Variants in BCL9 observed in about 807,000 individuals in gnomAD.
The protein encoded by BCL9 is B-cell CLL/lymphoma 9 protein.
Under a neutral mutation model 88.5 loss-of-function variants are expected in BCL9, and 25 were observed. The observed-to-expected ratio is 0.28, with a 90% confidence interval of 0.21 to 0.39. BCL9 has a LOEUF of 0.39. Ranked by LOEUF, BCL9 falls within the 10% of genes least tolerant of loss-of-function variation. The pLI is 1.00. For missense variants in BCL9, 1,817 were observed against 1,877.8 expected (o/e 0.97, Z 0.60); for synonymous variants, 711 against 673.3 (o/e 1.06, Z -0.87).
At chr1:147,603,677 A>AT (rs1657513897) in intron 1 of BCL9, among the ~76,000 whole-genome samples, 2 of 3,376 alleles carry the variant, frequency 5.9e-4, no homozygotes, top group Non-Finnish European at 1.1e-3. Context: ...AATTTTTGTA[A>AT]ATTTTTTTTT....
intron 1 of BCL9, among the ~76,000 whole-genome samples, chr1:147,568,566 G>A (rs781892474): frequency 6.6e-6 from 1 of 151,650 alleles, no homozygotes; most frequent in African/African-American, 2.4e-5. Context: ...TACACCTACC[G>A]AGGGGGATTT....
chr1:147,565,082 G>A (rs1553196538), intron 1 of BCL9, among the ~76,000 whole-genome samples: 1 of 152,080 alleles, frequency 6.6e-6, no homozygotes, highest in Non-Finnish European at 1.5e-5. Flanking sequence ...TGATTCTCTT[G>A]AATTCCATTT....
chr1:147,563,499 G>A (rs961738285), intron 1 of BCL9, among the ~76,000 whole-genome samples: 4 of 152,236 alleles, frequency 2.6e-5, no homozygotes, highest in Non-Finnish European at 5.9e-5. Context: ...GAGAGGGCTA[G>A]ATTTAACATC....
At chr1:147,552,304 T>C (rs1362458768) in intron 1 of BCL9, among the ~76,000 whole-genome samples, 7 of 152,174 alleles carry the variant, frequency 4.6e-5, no homozygotes, top group African/African-American at 1.7e-4. Context: ...AGTAGCATTG[T>C]AATGACTGAA....
intron 1 of BCL9, among the ~76,000 whole-genome samples, chr1:147,601,431 G>C: frequency 6.6e-6 from 1 of 152,218 alleles, no homozygotes. Context: ...GTTAGCACTT[G>C]ATATATTCAG....
intron 3 of BCL9, among the ~76,000 whole-genome samples, chr1:147,609,457 T>G (rs1195136678): frequency 6.6e-6 from 1 of 152,200 alleles, no homozygotes; most frequent in East Asian, 1.9e-4. Flanking sequence ...GAAGATGGCT[T>G]CAAGGAAAGA....
intron 1 of BCL9, among the ~76,000 whole-genome samples, chr1:147,552,576 A>T (rs1553194935): frequency 6.6e-6 from 1 of 152,256 alleles, no homozygotes; most frequent in Admixed American, 6.5e-5. Flanking sequence ...ATTGCACTCC[A>T]GCCTGGGCAA....
At chr1:147,600,662 G>A (rs1476501278) in intron 1 of BCL9, among the ~76,000 whole-genome samples, 1 of 152,064 alleles carries the variant, frequency 6.6e-6, no homozygotes, top group African/African-American at 2.4e-5. Context: ...GTCCTGGGAT[G>A]CAGGAGTGTT....
chr1:147,547,086 T>C (rs1162254239), intron 1 of BCL9, among the ~76,000 whole-genome samples: 2 of 152,186 alleles, frequency 1.3e-5, no homozygotes, highest in African/African-American at 4.8e-5. Flanking sequence ...ATACATGCTA[T>C]GCGTTTAACA....
At chr1:147,555,890 C>A (rs1222736452) in intron 1 of BCL9, among the ~76,000 whole-genome samples, 1 of 152,160 alleles carries the variant, frequency 6.6e-6, no homozygotes, top group Non-Finnish European at 1.5e-5. Flanking sequence ...AACAACATCT[C>A]TTTTGCACTC....
At chr1:147,584,933 T>A (rs1413039781) in intron 1 of BCL9, among the ~76,000 whole-genome samples, 2 of 151,264 alleles carry the variant, frequency 1.3e-5, no homozygotes. Flanking sequence ...AGGTTGGAGG[T>A]TTTCTGGCCA....
chr1:147,570,382 A>C (rs1306216279), intron 1 of BCL9, among the ~76,000 whole-genome samples: 5 of 152,196 alleles, frequency 3.3e-5, no homozygotes, highest in Non-Finnish European at 5.9e-5. Flanking sequence ...AAATCCACAA[A>C]GAGGTTGGGC....
intron 1 of BCL9, among the ~76,000 whole-genome samples, chr1:147,591,247 T>A (rs1010256908): frequency 1.4e-4 from 21 of 152,340 alleles, no homozygotes; most frequent in African/African-American, 4.3e-4. Context: ...ACTCAGTGTA[T>A]TCTTCTTATA....
At chr1:147,590,906 G>C (rs1256790075) in intron 1 of BCL9, among the ~76,000 whole-genome samples, 1 of 152,170 alleles carries the variant, frequency 6.6e-6, no homozygotes, top group African/African-American at 2.4e-5. Flanking sequence ...TTGTCATAAG[G>C]ATCAAGTGTG....
intron 1 of BCL9, among the ~76,000 whole-genome samples, chr1:147,595,090 G>T (rs999596863): frequency 2.0e-5 from 3 of 152,198 alleles, no homozygotes; most frequent in Non-Finnish European, 4.4e-5. Context: ...AATGATAGCG[G>T]CAACAATGAG....
chr1:147,620,836 G>T lies in BCL9; in HGVS notation c.2681G>T (p.Gly894Val), dbSNP rs782527177. The T allele has an allele frequency of 3.7e-6, 6 of 1,614,026 alleles. No homozygotes were observed. In the Admixed American group the frequency reaches 5.0e-5, roughly 13 times the overall value. Residue 894 changes from glycine (G) to valine (V), a missense_variant, in exon 8 of 10, where the codon GGC becomes GTC. Physicochemically the swap from Gly to Val is moderately radical, Grantham distance 109 (BLOSUM62 -3). Transcript: ENST00000234739. Reference protein sequence around the residue: ...KSPQTPSQLAGMLAGPAAAAS... With the variant: ...KSPQTPSQLAVMLAGPAAAAS... The stretch of plus-strand genomic sequence containing the variant: ...CCCCAGACTCCATCGCAGCTGGCAG[G>T]CATGCTGGCGGGCCCAGCTGCTGCT...
intron 1 of BCL9, among the ~76,000 whole-genome samples, chr1:147,603,675 T>TA (rs1657513794): frequency 2.5e-4 from 1 of 3,980 alleles, no homozygotes. Context: ...CTAATTTTTG[T>TA]AAATTTTTTT....
At chr1:147,582,639 A>G (rs1656418409) in intron 1 of BCL9, among the ~76,000 whole-genome samples, 1 of 152,252 alleles carries the variant, frequency 6.6e-6, no homozygotes, top group Admixed American at 6.5e-5. Context: ...AAAAATCAAC[A>G]GAATAATAAT....
Position 147,619,697 on chromosome 1 carries a change from C to G in BCL9, c.1542C>G (p.Pro514=), listed in dbSNP as rs199517580. 26 of 1,613,880 alleles carry G rather than the reference C, an allele frequency of 1.6e-5. 1 individual carries two copies. The highest frequency in any genetic ancestry group is 1.2e-4 in the Admixed American group (7 of 60,004). ...GGCCTCGGGGAGTGGTCCGAGGACC[C>G]CCCCCTCCATACCAGATGACCCCTA... ...QHGPRGVVRG[P]PPPYQMTPSE... The change falls in exon 8 of 10, where the codon CCC becomes CCG. Residue 514 remains proline, a synonymous_variant. Transcript: ENST00000234739. This position sits in a 1 kb window ranked among gnomAD's most constrained non-coding sequence, Gnocchi z 4.1.
Sources: gnomAD v4.1 joint callset for allele counts (sites outside exome capture counted in the v4.1 genomes callset) on GRCh38, gnomAD v4.1.1 for gene constraint, Gnocchi (gnomAD v3.1) non-coding constraint, MANE v1.5 for transcripts, NCBI Gene and HGNC (gene_info 2026-07-23, HGNC 2026-07-21) for gene names.